Variants in COLEC10 observed in about 807,000 individuals in gnomAD.
The protein encoded by COLEC10 is collectin subfamily member 10.
Under a neutral mutation model 28.4 loss-of-function variants are expected in COLEC10, and 22 were observed. That is an observed-to-expected ratio of 0.78 (90% CI 0.55 to 1.11). The LOEUF (loss-of-function observed/expected upper bound fraction) is 1.11, where lower values mean the gene tolerates loss of function less well. COLEC10 is among the 50% of genes least tolerant of loss of function. The pLI is 0.00. For missense variants in COLEC10, 361 were observed against 344.1 expected, an observed-to-expected ratio of 1.05 and a Z score of -0.39; for synonymous variants, 125 against 116.1, an observed-to-expected ratio of 1.08 and a Z score of -0.49.
intron 2 of COLEC10, among the ~76,000 whole-genome samples, chr8:119,013,226 T>C (rs1813931645): frequency 1.3e-5 from 2 of 150,694 alleles, no homozygotes; most frequent in Non-Finnish European, 3.0e-5. Flanking sequence ...TTGACCCATA[T>C]GTTATTTAGA....
chr8:119,065,345 C>G (rs527267440), upstream of COLEC10, among the ~76,000 whole-genome samples: 1 of 152,228 alleles, frequency 6.6e-6, no homozygotes, highest in East Asian at 1.9e-4. Flanking sequence ...AGCACAAACC[C>G]TATTGTGAAT....
intron 1 of COLEC10, among the ~76,000 whole-genome samples, chr8:119,002,612 G>GATTTTTCATTCAGAA (rs1452587284): frequency 6.6e-6 from 1 of 152,102 alleles, no homozygotes; most frequent in Non-Finnish European, 1.5e-5. Flanking sequence ...TTTTCTGAAT[G>GATTTTTCATTCAGAA]ATGGCATTTC....
rs377263119 is a variant in COLEC10 at position 119,094,422 on chromosome 8, C to T, written c.292+3202C>T. ...AAAGACAAAATTCAGACTTCTGCTA[C>T]AGGCCATGAGGATTTGCCTGTCTTA... On this transcript the variant is annotated intron_variant, in intron 3 of 5. Coordinates refer to ENST00000332843, the MANE Select transcript of COLEC10 (RefSeq NM_006438.5). Among the ~76,000 whole-genome samples the T allele has an allele frequency of 3.9e-5, 6 of 152,306 alleles. No homozygotes were observed. In the East Asian group the frequency reaches 9.6e-4, roughly 24 times the overall value.
the COLEC10 span, among the ~76,000 whole-genome samples, chr8:118,990,357 C>T: frequency 0.049 from 7,418 of 152,116 alleles, 280 homozygotes; most frequent in East Asian, 0.17. Flanking sequence ...TTTTTACTTA[C>T]ATTGTTTGAA....
At chr8:118,977,024 G>T in the COLEC10 span, among the ~76,000 whole-genome samples, 117 of 150,498 alleles carry the variant, frequency 7.8e-4, no homozygotes, top group Non-Finnish European at 1.5e-3. Context: ...GGCCATCAGA[G>T]AAATGCAAAT....
chr8:119,042,358 T>C (rs1325558033), intron 2 of COLEC10, among the ~76,000 whole-genome samples: 2 of 152,076 alleles, frequency 1.3e-5, no homozygotes, highest in South Asian at 2.1e-4. Flanking sequence ...TACTTTATAA[T>C]GTATTATGTT....
the COLEC10 span, among the ~76,000 whole-genome samples, chr8:118,970,794 T>C: frequency 5.9e-5 from 9 of 152,124 alleles, no homozygotes; most frequent in African/African-American, 2.2e-4. Flanking sequence ...ATTATGTCCA[T>C]TTTATAGATA....
chr8:119,092,420 C>T (rs1006848370), intron 3 of COLEC10, among the ~76,000 whole-genome samples: 5 of 152,136 alleles, frequency 3.3e-5, no homozygotes, highest in African/African-American at 1.2e-4. Flanking sequence ...CAGAGATAGT[C>T]TCCTCTGTAT....
the COLEC10 span, among the ~76,000 whole-genome samples, chr8:118,989,573 ACACACC>A: frequency 7.4e-4 from 110 of 148,278 alleles, no homozygotes; most frequent in African/African-American, 2.7e-3. Flanking sequence ...ACACACACAC[ACACACC>A]CCTACCTACC....
the COLEC10 span, among the ~76,000 whole-genome samples, chr8:118,983,638 C>T: frequency 6.6e-6 from 1 of 151,932 alleles, no homozygotes; most frequent in Non-Finnish European, 1.5e-5. Context: ...AACAATTTTA[C>T]AGGCAAAAAA....
chr8:119,061,791 A>C (rs1814861115), intron 2 of COLEC10, among the ~76,000 whole-genome samples: 1 of 152,116 alleles, frequency 6.6e-6, no homozygotes, highest in Non-Finnish European at 1.5e-5. Flanking sequence ...GGAATTGTGT[A>C]ATAATAATAC....
intron 3 of COLEC10, among the ~76,000 whole-genome samples, chr8:119,100,049 AAAACATT>A (rs1411408233): frequency 3.3e-5 from 5 of 152,222 alleles, no homozygotes; most frequent in African/African-American, 1.2e-4. Context: ...TTAAAAAATC[AAAACATT>A]AAACCCATAA....
chr8:119,088,199 G>A (rs1273560410), intron 1 of COLEC10, among the ~76,000 whole-genome samples: 1 of 151,000 alleles, frequency 6.6e-6, no homozygotes, highest in Non-Finnish European at 1.5e-5. Context: ...AAGGGAAGGA[G>A]GGAGGGAGGG....
At chr8:119,013,328 C>T (rs1433096313) in intron 2 of COLEC10, among the ~76,000 whole-genome samples, 1 of 150,502 alleles carries the variant, frequency 6.6e-6, no homozygotes, top group Non-Finnish European at 1.5e-5. Context: ...TGAAAGCAGA[C>T]ATTGTATGAT....
At chr8:119,063,345 C>A (rs1193019467), upstream of COLEC10, 1 of 152,206 alleles carries the variant, frequency 6.6e-6, no homozygotes, top group African/African-American at 2.4e-5. Flanking sequence ...TTATCTCATA[C>A]TTCTCAAGGC....
intron 1 of COLEC10, among the ~76,000 whole-genome samples, chr8:119,087,090 T>C (rs1185688812): frequency 6.6e-6 from 1 of 152,346 alleles, no homozygotes; most frequent in Admixed American, 6.5e-5. Context: ...GTATGTCAAG[T>C]GCTAAGAACA....
At chr8:119,026,829 G>A (rs1171851793) in intron 2 of COLEC10, among the ~76,000 whole-genome samples, 2 of 152,156 alleles carry the variant, frequency 1.3e-5, no homozygotes, top group Non-Finnish European at 2.9e-5. Flanking sequence ...GCCTGAAGCT[G>A]GAGAGAGAAA....
At chr8:119,004,749 C>A (rs187045108) in intron 1 of COLEC10, among the ~76,000 whole-genome samples, 82 of 151,836 alleles carry the variant, frequency 5.4e-4, no homozygotes, top group Non-Finnish European at 1.0e-3. Flanking sequence ...GTAGGTCACC[C>A]AATTGCTCAC....
intron 1 of COLEC10, among the ~76,000 whole-genome samples, chr8:119,001,997 G>A (rs762947108): frequency 3.9e-5 from 6 of 152,144 alleles, no homozygotes; most frequent in Non-Finnish European, 5.9e-5. Context: ...TCACAAATAT[G>A]AGCTTAGCTC....
Sources: gnomAD v4.1 joint callset for allele counts (sites outside exome capture counted in the v4.1 genomes callset) on GRCh38, gnomAD v4.1.1 for gene constraint, MANE v1.5 for transcripts, NCBI Gene and HGNC (gene_info 2026-07-23, HGNC 2026-07-21) for gene names.